RRP12: variants seen among roughly 807,000 people sequenced by gnomAD.
The protein encoded by RRP12 is RRP12-like protein.
Under a neutral mutation model 157.3 loss-of-function variants are expected in RRP12, and 78 were observed. The observed-to-expected ratio is 0.50, with a 90% confidence interval of 0.41 to 0.60. The LOEUF is 0.60. RRP12 is among the 20% of genes least tolerant of loss of function. The pLI is 0.00. For missense variants in RRP12, 1,521 were observed against 1,679.9 expected (o/e 0.91, Z 1.65); for synonymous variants, 726 against 670.9 (o/e 1.08, Z -1.27).
At chr10:97,399,634 T>C (rs1457375454) in intron 2 of RRP12, among the ~76,000 whole-genome samples, 2 of 151,656 alleles carry the variant, frequency 1.3e-5, no homozygotes, top group African/African-American at 2.4e-5. Context: ...GTGGGCGGAT[T>C]ACCTGAGTTC....
At chr10:97,383,555 C>T (rs1359440525) in intron 10 of RRP12, among the ~76,000 whole-genome samples, 1 of 152,252 alleles carries the variant, frequency 6.6e-6, no homozygotes, top group Non-Finnish European at 1.5e-5. Flanking sequence ...CAAAAGAGAG[C>T]CACGAGGTCT....
rs779135322 is a variant in RRP12, at chr10:97,379,407, G to A, written c.1684C>T (p.Leu562=). 17 of 1,614,054 alleles carry A rather than the reference G, an allele frequency of 1.1e-5. No individual in the cohort carries two copies. In the South Asian group the frequency reaches 1.8e-4, roughly 17 times the overall value. ...AGCAGCCAGCTCCGTGGGAAATCCA[G>A]AGTCTCCCTGGGAAGAGAATGGGAA... ...PLEIDGSEET[L]DFPRSWLLPV... The change falls in exon 15 of 34, where the codon CTG becomes TTG. Residue 562 remains leucine, a synonymous_variant. Transcript: ENST00000370992.
chr10:97,390,559 C>A lies in RRP12; in HGVS notation c.637-20G>T. 1 of 1,580,724 alleles carries A rather than the reference C, an allele frequency of 6.3e-7. No homozygotes were observed. Among genetic ancestry groups the A allele is most frequent in the African/African-American group, 1.3e-5 (1 of 74,334 alleles). On this transcript the variant is annotated intron_variant, in intron 5 of 33. Transcript: ENST00000370992. The stretch of plus-strand genomic sequence containing the variant: ...AAGGACCTGGAAGAAAGTCAGAGTC[C>A]CTCAGTGCCACCAGCCTCGGCCAGG...
At chr10:97,381,344 A>G in intron 12 of RRP12, 42 bp downstream of exon 12, 1 of 1,446,346 alleles carries the variant, frequency 6.9e-7, no homozygotes, top group Non-Finnish European at 9.5e-7. Flanking sequence ...ACTTTCCTCA[A>G]GGTACCACCA....
chr10:97,379,395 G>A lies in RRP12; in HGVS notation c.1696C>T (p.Arg566Trp), dbSNP rs754208643. 1.2e-5 allele frequency: 19 copies of A among 1,614,092 alleles called. No homozygotes were observed. In the Middle Eastern group the frequency reaches 4.9e-4, roughly 42 times the overall value. ...DGSEETLDFP[R>W]SWLLPVIRDH... ...CGGATGACAGGCAGCAGCCAGCTCCGTGGGAAATCCAGAGTCTCCCTGGGA... is the reference window on the plus strand; with the variant it reads ...CGGATGACAGGCAGCAGCCAGCTCCATGGGAAATCCAGAGTCTCCCTGGGA... Residue 566 changes from arginine (R) to tryptophan (W), a missense_variant, in exon 15 of 34, where the codon CGG becomes TGG. By Grantham distance (101) the Arg-to-Trp change is moderately radical. Coordinates refer to ENST00000370992, the MANE Select transcript of RRP12 (RefSeq NM_015179.4).
chr10:97,362,126 A>G (rs970128392), intron 30 of RRP12, among the ~76,000 whole-genome samples: 22 of 142,802 alleles, frequency 1.5e-4, no homozygotes, highest in African/African-American at 5.7e-4. Flanking sequence ...AAAAAAAAAG[A>G]GTTAGAACTA....
intron 29 of RRP12, among the ~76,000 whole-genome samples, chr10:97,365,539 C>T (rs1180137715): frequency 1.3e-5 from 2 of 152,040 alleles, no homozygotes; most frequent in African/African-American, 2.4e-5. Flanking sequence ...TCCCAAAGTG[C>T]TAGGATTACA....
intron 33 of RRP12, among the ~76,000 whole-genome samples, chr10:97,358,032 A>G: frequency 6.6e-6 from 1 of 151,324 alleles, no homozygotes; most frequent in Admixed American, 6.6e-5. Context: ...ACATAATATC[A>G]TGTTTAAAGA....
At chr10:97,390,565 T>C (rs1193120989) in intron 5 of RRP12, 26 bp from the exon 6 acceptor site, 1 of 1,569,042 alleles carries the variant, frequency 6.4e-7, no homozygotes, top group East Asian at 2.2e-5. Context: ...AGTCCCTCAG[T>C]GCCACCAGCC....
Position 97,369,412 on chromosome 10 carries a change from C to A in RRP12, c.2955+13G>T. ...CCACCCTGCTACCTGCTAAGGGGAA[C>A]GGGGACACTCACCACCAGCTGCACA... On this transcript the variant is annotated intron_variant, in intron 25 of 33. Coordinates refer to ENST00000370992, the MANE Select transcript of RRP12 (RefSeq NM_015179.4). 1.2e-6 allele frequency: 2 copies of A among 1,610,374 alleles called. No homozygotes were observed. The highest frequency in any genetic ancestry group is 2.2e-5 in the South Asian group (2 of 90,240).
chr10:97,361,029 C>A (rs1843829425), intron 30 of RRP12, among the ~76,000 whole-genome samples: 2 of 152,204 alleles, frequency 1.3e-5, no homozygotes, highest in African/African-American at 4.8e-5. Context: ...CCACCCCACT[C>A]TCCCTATTAA....
At position 97,378,740 on chromosome 10, in the gene RRP12, C is replaced by T. The variant is rs536242476; in HGVS notation, c.1798+553G>A. Among the ~76,000 whole-genome samples the T allele has an allele frequency of 3.7e-3, 563 of 152,152 alleles. 4 individuals carry two copies. Among genetic ancestry groups the T allele is most frequent in the Non-Finnish European group, 5.4e-3 (370 of 68,012 alleles). On this transcript the variant is annotated intron_variant, in intron 15 of 33. Coordinates refer to ENST00000370992, the MANE Select transcript of RRP12 (RefSeq NM_015179.4). ...GGTGCAGTGGTGGGTGCCTGGAGTC[C>T]CAGCTACTCGGGAGGCTGAGGCAGG... is the stretch of plus-strand genomic sequence containing the variant.
At chr10:97,390,273 A>G (rs527924474) in intron 6 of RRP12, 150 bp downstream of exon 6, 143 of 668,180 alleles carry the variant, frequency 2.1e-4, no homozygotes, top group Non-Finnish European at 3.1e-4. Flanking sequence ...TGCCTTCTGC[A>G]TCTAAATGCA....
At chr10:97,366,332 G>T (rs1166841228) in intron 28 of RRP12, 99 bp from the exon 29 acceptor site, 1 of 1,567,106 alleles carries the variant, frequency 6.4e-7, no homozygotes. Flanking sequence ...CCAAACGGGC[G>T]CCTCTCAGCC....
At chr10:97,362,208 C>T (rs1843862298) in intron 30 of RRP12, among the ~76,000 whole-genome samples, 1 of 152,032 alleles carries the variant, frequency 6.6e-6, no homozygotes, top group South Asian at 2.1e-4. Flanking sequence ...GCCCTGGGGC[C>T]CTCTCAGTGC....
intron 15 of RRP12, among the ~76,000 whole-genome samples, chr10:97,375,037 C>G (rs969259275): frequency 6.6e-6 from 1 of 152,200 alleles, no homozygotes; most frequent in East Asian, 1.9e-4. Context: ...CGTGTCTGTT[C>G]GACTCACCAT....
At chr10:97,357,498 G>A (rs1176934943) in intron 33 of RRP12, among the ~76,000 whole-genome samples, 1 of 152,116 alleles carries the variant, frequency 6.6e-6, no homozygotes, top group African/African-American at 2.4e-5. Context: ...CCATTGAAAG[G>A]TAACTTACAA....
intron 13 of RRP12, among the ~76,000 whole-genome samples, chr10:97,380,268 G>A (rs942441274): frequency 3.3e-5 from 5 of 152,176 alleles, no homozygotes; most frequent in Non-Finnish European, 7.3e-5. Flanking sequence ...GCAATGGGAG[G>A]GAGTCAGTGA....
In RRP12 at chr10:97,366,886, A is replaced by G; in HGVS notation, c.3071T>C (p.Leu1024Ser). Reference sequence around the variant, plus strand: ...CAGGACTCTGTGGTACTCCTCGGGCAACAGCCTTTTCACCAGCTCAAATCT... The same window carrying G: ...CAGGACTCTGTGGTACTCCTCGGGCGACAGCCTTTTCACCAGCTCAAATCT... ...KFGFELVKRL[L>S]PEEYHRVLVN... The change falls in exon 27 of 34, where the codon TTG becomes TCG. Residue 1024 changes from leucine (L) to serine (S), a missense_variant. Leu to Ser is a moderately radical substitution (Grantham distance 145). Coordinates refer to ENST00000370992, the MANE Select transcript of RRP12 (RefSeq NM_015179.4). The G allele has an allele frequency of 1.2e-6, 2 of 1,613,926 alleles. No homozygotes were observed. The highest frequency in any genetic ancestry group is 1.7e-6 in the Non-Finnish European group (2 of 1,179,890).
Sources: gnomAD v4.1 joint callset for allele counts (sites outside exome capture counted in the v4.1 genomes callset) on GRCh38, gnomAD v4.1.1 for gene constraint, MANE v1.5 for transcripts, NCBI Gene and HGNC (gene_info 2026-07-23, HGNC 2026-07-21) for gene names.